Variants in POU2F1 observed in about 807,000 individuals in gnomAD.
POU2F1 encodes the protein POU domain, class 2, transcription factor 1.
POU2F1 carries 16 observed loss-of-function variants against 84.9 expected under a neutral mutation model. That is an observed-to-expected ratio of 0.19 (90% CI 0.13 to 0.29). The LOEUF (loss-of-function observed/expected upper bound fraction) is 0.29. POU2F1 is among the 10% of genes least tolerant of loss of function. POU2F1 has a pLI of 1.00. For missense variants in POU2F1, 738 were observed against 942.6 expected, an observed-to-expected ratio of 0.78 and a Z score of 2.84; for synonymous variants, 368 against 368.3, an observed-to-expected ratio of 1.00 and a Z score of 0.01.
At chr1:167,333,995 A>G (rs1311396163) in intron 2 of POU2F1, among the ~76,000 whole-genome samples, 2 of 128,108 alleles carry the variant, frequency 1.6e-5, no homozygotes, top group Non-Finnish European at 3.5e-5. Flanking sequence ...CAAAGAAGAA[A>G]CATACTTTTT....
chr1:167,364,742 G>A (rs1272750717), intron 2 of POU2F1, among the ~76,000 whole-genome samples: 2 of 151,248 alleles, frequency 1.3e-5, no homozygotes, highest in East Asian at 2.0e-4. Context: ...ACACCTGGCC[G>A]ATTTTTTATA....
chr1:167,269,930 G>C (rs1375704816), intron 1 of POU2F1, among the ~76,000 whole-genome samples: 7 of 125,910 alleles, frequency 5.6e-5, no homozygotes, highest in Non-Finnish European at 1.1e-4. Flanking sequence ...AAAAAAAAAA[G>C]AGTAAGAGTC....
rs538684453 is a variant in POU2F1, at chr1:167,258,317, G to A, written c.61+37359G>A. On this transcript the variant is annotated intron_variant, in intron 1 of 15. Coordinates refer to ENST00000367866, the MANE Select transcript of POU2F1 (RefSeq NM_002697.4). ...GAGTGACTGAAAGACACAAGAATTA[G>A]CAACTTTCTTCATATTTCTTCCCCT... 7.2e-5 allele frequency among the ~76,000 whole-genome samples: 11 copies of A among 152,272 alleles called. No homozygotes were observed. In the South Asian group the frequency reaches 2.1e-3, roughly 29 times the overall value.
intron 1 of POU2F1, among the ~76,000 whole-genome samples, chr1:167,326,199 A>G (rs1172729984): frequency 6.6e-6 from 1 of 152,110 alleles, no homozygotes; most frequent in Non-Finnish European, 1.5e-5. Flanking sequence ...CAACTCCTCA[A>G]CTAGGTGTTA....
At chr1:167,254,715 G>A (rs1651005296) in intron 1 of POU2F1, among the ~76,000 whole-genome samples, 1 of 152,088 alleles carries the variant, frequency 6.6e-6, no homozygotes, top group South Asian at 2.1e-4. Context: ...CAGAGAAAAA[G>A]GTGATTCAGG....
chr1:167,347,273 T>G (rs571996440), intron 2 of POU2F1, among the ~76,000 whole-genome samples: 99 of 152,356 alleles, frequency 6.5e-4, no homozygotes, highest in Admixed American at 1.2e-3. Flanking sequence ...TAACATGTAG[T>G]ATAGTACTAT....
chr1:167,242,132 A>G (rs908671392), intron 1 of POU2F1, among the ~76,000 whole-genome samples: 12 of 152,208 alleles, frequency 7.9e-5, no homozygotes, highest in African/African-American at 2.9e-4. Flanking sequence ...GAAGCATCCA[A>G]GTGCTGCTTG....
intron 1 of POU2F1, among the ~76,000 whole-genome samples, chr1:167,271,631 G>A (rs957623894): frequency 6.6e-6 from 1 of 152,180 alleles, no homozygotes; most frequent in Non-Finnish European, 1.5e-5. Context: ...CTGGGGAGAG[G>A]GATGTGTAAG....
chr1:167,388,788 G>T (rs58561174), intron 8 of POU2F1, among the ~76,000 whole-genome samples: 81 of 152,284 alleles, frequency 5.3e-4, no homozygotes, highest in African/African-American at 1.8e-3. Flanking sequence ...TTAATTTGGG[G>T]TTTTCATCTT....
intron 15 of POU2F1, chr1:167,414,402 C>T (rs1650173070): frequency 1.0e-6 from 1 of 985,224 alleles, no homozygotes; most frequent in Non-Finnish European, 1.2e-6. Flanking sequence ...CACTGTCTCA[C>T]TGTTCTGTAC....
chr1:167,332,673 G>A, intron 2 of POU2F1, 138 bp downstream of exon 2: 3 of 592,872 alleles, frequency 5.1e-6, no homozygotes, highest in Non-Finnish European at 5.8e-6. Flanking sequence ...CAGTCCTTTA[G>A]GAACTGGGAG....
intron 15 of POU2F1, among the ~76,000 whole-genome samples, chr1:167,413,794 T>C (rs1438275744): frequency 2.0e-5 from 3 of 152,172 alleles, no homozygotes; most frequent in Non-Finnish European, 2.9e-5. Context: ...AAATGTTTAC[T>C]GTTATGTGAT....
At chr1:167,375,928 T>G (rs983366447) in intron 6 of POU2F1, 101 bp from the exon 7 acceptor site, 1 of 1,392,232 alleles carries the variant, frequency 7.2e-7, no homozygotes. Context: ...TATTTACTCT[T>G]CTTTATTTGG....
intron 2 of POU2F1, among the ~76,000 whole-genome samples, chr1:167,354,891 T>C (rs928288769): frequency 3.9e-5 from 6 of 152,222 alleles, no homozygotes; most frequent in African/African-American, 1.4e-4. Flanking sequence ...CTTTTTCTTA[T>C]TGACTCATAG....
intron 2 of POU2F1, among the ~76,000 whole-genome samples, chr1:167,354,531 A>G (rs1173198592): frequency 1.3e-5 from 2 of 152,126 alleles, no homozygotes; most frequent in East Asian, 1.9e-4. Flanking sequence ...ACCTCAGGTG[A>G]TCTGCCCGTC....
intron 13 of POU2F1, among the ~76,000 whole-genome samples, chr1:167,411,531 G>A (rs1485041633): frequency 6.6e-6 from 1 of 152,026 alleles, no homozygotes; most frequent in African/African-American, 2.4e-5. Context: ...TCTTAGAAAA[G>A]CATATAACTT....
intron 1 of POU2F1, among the ~76,000 whole-genome samples, chr1:167,282,228 C>T (rs1653199314): frequency 6.6e-6 from 1 of 151,930 alleles, no homozygotes; most frequent in African/African-American, 2.4e-5. Flanking sequence ...CTGCAAGCTC[C>T]ACCTCCCCAG....
rs535921802 is a variant in POU2F1, at chr1:167,282,244, C to T, written c.62-50226C>T. On this transcript the variant is annotated intron_variant, in intron 1 of 15. Transcript: ENST00000367866. Reference sequence around the variant, plus strand: ...TGCAAGCTCCACCTCCCCAGGTTCACGCCATTCTCCTGCCTCAGCCTCCCG... The same window carrying T: ...TGCAAGCTCCACCTCCCCAGGTTCATGCCATTCTCCTGCCTCAGCCTCCCG... 2.5e-3 allele frequency among the ~76,000 whole-genome samples: 374 copies of T among 151,470 alleles called. 4 individuals carry two copies. Among genetic ancestry groups the T allele is most frequent in the African/African-American group, 8.7e-3 (362 of 41,406 alleles).
intron 1 of POU2F1, among the ~76,000 whole-genome samples, chr1:167,242,261 G>A (rs1220442381): frequency 6.6e-6 from 1 of 152,190 alleles, no homozygotes; most frequent in African/African-American, 2.4e-5. Context: ...TGTTCGGCCT[G>A]TTTAGTGACA....
Sources: allele counts gnomAD v4.1 joint callset (sites outside exome capture counted in the v4.1 genomes callset), GRCh38; gene constraint gnomAD v4.1.1; transcripts MANE v1.5; gene names NCBI Gene and HGNC (gene_info 2026-07-23, HGNC 2026-07-21).